SLC39A11: variants seen among roughly 807,000 people sequenced by gnomAD.
The protein encoded by SLC39A11 is solute carrier family 39 member 11.
Under a neutral mutation model 36.1 loss-of-function variants are expected in SLC39A11, and 33 were observed. The ratio of observed to expected loss-of-function variants is 0.91; its 90% CI spans 0.69 to 1.22. SLC39A11 has a LOEUF of 1.22. Ranked by LOEUF, SLC39A11 falls within the 50% of genes most tolerant of loss-of-function variation. The pLI is 0.00. For synonymous variants in SLC39A11, 166 were observed against 170.3 expected (o/e 0.97, Z 0.20); for missense variants, 432 against 430.3 (o/e 1.00, Z -0.03).
At chr17:73,064,945 G>T (rs1317519975) in intron 3 of SLC39A11, among the ~76,000 whole-genome samples, 2 of 152,130 alleles carry the variant, frequency 1.3e-5, no homozygotes, top group Admixed American at 6.5e-5. Context: ...CCATACCCCT[G>T]CCTGAGGAAC....
Position 73,035,126 on chromosome 17 carries a change from C to A in SLC39A11, c.148-3412G>T, listed in dbSNP as rs536134401. 3.1e-4 allele frequency among the ~76,000 whole-genome samples: 47 copies of A among 151,912 alleles called. No homozygotes were observed. In the East Asian group the frequency reaches 4.4e-3, roughly 14 times the overall value. ...TGAAAAAAGCACCCAAAGCAAAATT[C>A]TTTTTGTTTTTTGTTTTTGTTTTTG... On this transcript the variant is annotated intron_variant, in intron 3 of 9. Coordinates refer to ENST00000255559, the MANE Select transcript of SLC39A11 (RefSeq NM_139177.4).
At chr17:72,939,165 T>C (rs2147570960) in intron 5 of SLC39A11, among the ~76,000 whole-genome samples, 1 of 152,164 alleles carries the variant, frequency 6.6e-6, no homozygotes, top group East Asian at 1.9e-4. Flanking sequence ...AACCTCAGAA[T>C]ATGACCTTAC....
chr17:73,085,500 G>C (rs1359612946), intron 2 of SLC39A11, among the ~76,000 whole-genome samples: 1 of 152,062 alleles, frequency 6.6e-6, no homozygotes, highest in Non-Finnish European at 1.5e-5. Flanking sequence ...ACAAAAATTA[G>C]TCAAGCACGG....
intron 4 of SLC39A11, among the ~76,000 whole-genome samples, chr17:73,029,513 C>T (rs1048596632): frequency 2.7e-4 from 41 of 152,084 alleles, no homozygotes; most frequent in African/African-American, 8.7e-4. Flanking sequence ...GGCCACTGGA[C>T]GCCACTACCA....
chr17:72,906,724 G>A (rs1232501905), intron 5 of SLC39A11, among the ~76,000 whole-genome samples: 2 of 152,168 alleles, frequency 1.3e-5, no homozygotes, highest in African/African-American at 4.8e-5. Flanking sequence ...AAACAAATCC[G>A]ATTAAAGGCC....
At chr17:72,979,326 T>C (rs773359417) in intron 4 of SLC39A11, among the ~76,000 whole-genome samples, 1 of 149,558 alleles carries the variant, frequency 6.7e-6, no homozygotes, top group Non-Finnish European at 1.5e-5. Flanking sequence ...TACCCAGTCT[T>C]GGGCAGTTCT....
chr17:72,794,310 G>A (rs1388726122), intron 6 of SLC39A11, among the ~76,000 whole-genome samples: 1 of 152,114 alleles, frequency 6.6e-6, no homozygotes, highest in Non-Finnish European at 1.5e-5. Flanking sequence ...CAAAGCCTTG[G>A]AGAATACAGC....
intron 7 of SLC39A11, among the ~76,000 whole-genome samples, chr17:72,659,636 G>A (rs951350362): frequency 3.1e-5 from 4 of 128,054 alleles, no homozygotes; most frequent in African/African-American, 8.7e-5. Flanking sequence ...AGGCTGAAGT[G>A]CAGTGGCGCG....
chr17:72,716,986 T>A (rs1291967090), intron 7 of SLC39A11, among the ~76,000 whole-genome samples: 3,905 of 129,416 alleles, frequency 0.03, 120 homozygotes, highest in East Asian at 0.062. Context: ...AAAAAATATA[T>A]ATATATACAC....
chr17:72,813,747 G>A (rs747297337), intron 6 of SLC39A11, among the ~76,000 whole-genome samples: 2 of 152,188 alleles, frequency 1.3e-5, no homozygotes, highest in African/African-American at 2.4e-5. Context: ...ACAAAAGTAC[G>A]CCAGGAGCTA....
At chr17:73,076,542 T>C (rs1034689002) in intron 3 of SLC39A11, among the ~76,000 whole-genome samples, 2 of 152,214 alleles carry the variant, frequency 1.3e-5, no homozygotes, top group Non-Finnish European at 2.9e-5. Context: ...CAGTGCTGTG[T>C]AGACATCTGT....
At chr17:73,085,041 T>C (rs2060676339) in intron 2 of SLC39A11, among the ~76,000 whole-genome samples, 195 bp from the exon 3 acceptor site, 1 of 152,176 alleles carries the variant, frequency 6.6e-6, no homozygotes, top group Admixed American at 6.5e-5. Flanking sequence ...ACCCACCCCA[T>C]AGCCAATCAG....
At chr17:72,869,964 C>T (rs886741326) in intron 5 of SLC39A11, among the ~76,000 whole-genome samples, 1 of 152,028 alleles carries the variant, frequency 6.6e-6, no homozygotes, top group African/African-American at 2.4e-5. Flanking sequence ...ATGTCCTTCT[C>T]AACATTTCTA....
chr17:72,679,758 A>C (rs1390981031), intron 7 of SLC39A11, among the ~76,000 whole-genome samples: 2 of 152,096 alleles, frequency 1.3e-5, no homozygotes, highest in Non-Finnish European at 1.5e-5. Context: ...ATTGTGGTAA[A>C]ATTGGCTGGG....
At chr17:72,824,033 G>A (rs1567771747) in intron 6 of SLC39A11, 1 of 149,230 alleles carries the variant, frequency 6.7e-6, no homozygotes, top group Non-Finnish European at 1.5e-5. Flanking sequence ...TAAAATAAAA[G>A]CACAAAAAAA....
At chr17:72,762,925 T>C (rs561906811) in intron 6 of SLC39A11, among the ~76,000 whole-genome samples, 13 of 152,206 alleles carry the variant, frequency 8.5e-5, no homozygotes, top group African/African-American at 3.1e-4. Context: ...GAGACCCACG[T>C]AGACCATTTG....
At position 72,889,346 on chromosome 17, in the gene SLC39A11, C is replaced by T. The variant is rs554402232; in HGVS notation, c.431-39542G>A. Among the ~76,000 whole-genome samples, 13 of 152,202 alleles carry T rather than the reference C, an allele frequency of 8.5e-5. No homozygotes were observed. The East Asian group carries it at 1.5e-3, about 18-fold the overall frequency. On this transcript the variant is annotated intron_variant, in intron 5 of 9. Coordinates refer to ENST00000255559, the MANE Select transcript of SLC39A11 (RefSeq NM_139177.4). ...CCTAGCCAACATGGTGAAACCCCAT[C>T]TCCAATAAAAATACAAAAATCAGCT...
At chr17:73,065,664 A>C (rs2059977291) in intron 3 of SLC39A11, among the ~76,000 whole-genome samples, 1 of 152,156 alleles carries the variant, frequency 6.6e-6, no homozygotes, top group Non-Finnish European at 1.5e-5. Flanking sequence ...CAGCCCTTGG[A>C]CTGAGAGTTT....
chr17:72,863,359 C>T (rs2080140097), intron 5 of SLC39A11, among the ~76,000 whole-genome samples: 1 of 152,088 alleles, frequency 6.6e-6, no homozygotes, highest in African/African-American at 2.4e-5. Flanking sequence ...CAAGTGTCAG[C>T]ATATGCAACT....
Sources: gnomAD v4.1 joint callset for allele counts (sites outside exome capture counted in the v4.1 genomes callset) on GRCh38, gnomAD v4.1.1 for gene constraint, MANE v1.5 for transcripts, NCBI Gene and HGNC (gene_info 2026-07-23, HGNC 2026-07-21) for gene names.